The following GNAL variants were observed in gnomAD, a reference collection of about 807,000 sequenced individuals.
The protein encoded by GNAL is guanine nucleotide-binding protein G(olf) subunit alpha.
GNAL carries 18 observed loss-of-function variants against 55.1 expected under a neutral mutation model. The ratio of observed to expected loss-of-function variants is 0.33; its 90% CI spans 0.23 to 0.48. The LOEUF (loss-of-function observed/expected upper bound fraction) is 0.48. GNAL is among the 20% of genes least tolerant of loss of function. The pLI is 0.99. For synonymous variants in GNAL, 253 were observed against 237.0 expected (o/e 1.07, Z -0.62); for missense variants, 412 against 614.1 (o/e 0.67, Z 3.48).
At position 11,768,280 on chromosome 18, in the gene GNAL, C is replaced by G. The variant is rs139567619; in HGVS notation, c.624+14335C>G. ...ACCTCTGGCCTCAAAAGCCTTACCACTTAGTGAAGGAAAGGATGTCTGTAA... is the reference window on the plus strand; with the variant it reads ...ACCTCTGGCCTCAAAAGCCTTACCAGTTAGTGAAGGAAAGGATGTCTGTAA... On this transcript the variant is annotated intron_variant, in intron 4 of 11. Transcript: ENST00000334049. 1.7e-3 allele frequency among the ~76,000 whole-genome samples: 257 copies of G among 152,284 alleles called. 8 individuals are homozygous for G. The East Asian group carries it at 0.04, about 24-fold the overall frequency.
At chr18:11,694,531 G>A (rs1279001739) in intron 1 of GNAL, among the ~76,000 whole-genome samples, 4 of 152,214 alleles carry the variant, frequency 2.6e-5, no homozygotes, top group Non-Finnish European at 1.5e-5. Flanking sequence ...CAGGTGCAGA[G>A]GTGGGATGGA....
chr18:11,737,442 C>G (rs1262926526), intron 1 of GNAL, among the ~76,000 whole-genome samples: 1 of 152,178 alleles, frequency 6.6e-6, no homozygotes, highest in Non-Finnish European at 1.5e-5. Flanking sequence ...TCTTCCAAGT[C>G]TCTCTGAATG....
rs146867949 is a variant in GNAL, at chr18:11,697,275, C to T, written c.376+7336C>T. ...TGAGGAGGCCGGGCACGGTGGTGCA[C>T]GCCTGTAATCCCAGCGCTTTGGGAG... On this transcript the variant is annotated intron_variant, in intron 1 of 11. Coordinates refer to ENST00000334049, the MANE Select transcript of GNAL (RefSeq NM_182978.4). 4.0e-3 allele frequency among the ~76,000 whole-genome samples: 606 copies of T among 152,066 alleles called. 3 individuals are homozygous for T. Among genetic ancestry groups the T allele is most frequent in the African/African-American group, 0.013 (544 of 41,494 alleles).
At chr18:11,711,036 C>T (rs992529098) in intron 1 of GNAL, among the ~76,000 whole-genome samples, 11 of 152,008 alleles carry the variant, frequency 7.2e-5, no homozygotes, top group East Asian at 1.9e-4. Flanking sequence ...CCACCGCGCC[C>T]GGCTAATTTT....
chr18:11,744,166 C>G (rs2032638651), intron 1 of GNAL, among the ~76,000 whole-genome samples: 1 of 152,146 alleles, frequency 6.6e-6, no homozygotes, highest in South Asian at 2.1e-4. Flanking sequence ...GACATGTAAC[C>G]TACTTTTCCT....
At chr18:11,795,965 T>C (rs1400845941) in intron 4 of GNAL, among the ~76,000 whole-genome samples, 1 of 152,140 alleles carries the variant, frequency 6.6e-6, no homozygotes, top group African/African-American at 2.4e-5. Flanking sequence ...TAGACAGTAA[T>C]AGCTGATCCC....
At chr18:11,817,911 G>A (rs1313820686) in intron 4 of GNAL, among the ~76,000 whole-genome samples, 6 of 151,368 alleles carry the variant, frequency 4.0e-5, no homozygotes, top group South Asian at 4.2e-4. Context: ...TTTTTTTAAC[G>A]TGGTTTCTGA....
chr18:11,696,605 A>G (rs1943292775), intron 1 of GNAL, among the ~76,000 whole-genome samples: 1 of 152,170 alleles, frequency 6.6e-6, no homozygotes, highest in African/African-American at 2.4e-5. Context: ...AACTTGTTAT[A>G]GACCGTTACA....
chr18:11,732,008 T>A (rs987335167), intron 1 of GNAL, among the ~76,000 whole-genome samples: 1 of 152,136 alleles, frequency 6.6e-6, no homozygotes, highest in African/African-American at 2.4e-5. Context: ...GTAACATACA[T>A]CTCTACTTCA....
At chr18:11,692,064 A>C (rs1379710303) in intron 1 of GNAL, among the ~76,000 whole-genome samples, 1 of 152,180 alleles carries the variant, frequency 6.6e-6, no homozygotes, top group East Asian at 1.9e-4. Context: ...TTTAAATTTT[A>C]AGACAAAATA....
intron 1 of GNAL, among the ~76,000 whole-genome samples, chr18:11,700,196 T>C (rs2031525990): frequency 6.6e-6 from 1 of 152,210 alleles, no homozygotes; most frequent in Admixed American, 6.5e-5. Context: ...CTGATGGCCC[T>C]ACTCTTAAAA....
At chr18:11,774,180 T>C (rs2033714633) in intron 4 of GNAL, among the ~76,000 whole-genome samples, 1 of 152,176 alleles carries the variant, frequency 6.6e-6, no homozygotes, top group African/African-American at 2.4e-5. Context: ...TGCCGAGTGC[T>C]GAAGCCACGC....
chr18:11,712,390 G>T (rs2031859732), intron 1 of GNAL, among the ~76,000 whole-genome samples: 2 of 152,084 alleles, frequency 1.3e-5, no homozygotes, highest in Admixed American at 6.6e-5. Flanking sequence ...CAACTGCTTT[G>T]GCTTTTTACT....
At chr18:11,757,943 A>C (rs980237013) in intron 4 of GNAL, among the ~76,000 whole-genome samples, 3 of 152,084 alleles carry the variant, frequency 2.0e-5, no homozygotes, top group Non-Finnish European at 4.4e-5. Flanking sequence ...GAGTGGGTGC[A>C]GGTGGCGGCG....
chr18:11,723,008 T>A (rs2032131620), intron 1 of GNAL, among the ~76,000 whole-genome samples: 3 of 55,960 alleles, frequency 5.4e-5, no homozygotes, highest in Admixed American at 2.9e-4. Flanking sequence ...CGAAACTTCA[T>A]CTCAAAAAAA....
chr18:11,734,838 C>G (rs2032425608), intron 1 of GNAL, among the ~76,000 whole-genome samples: 1 of 149,878 alleles, frequency 6.7e-6, no homozygotes, highest in African/African-American at 2.5e-5. Flanking sequence ...AGCAACCAGG[C>G]AGGAAGCTAA....
chr18:11,885,621 G>C lies in GNAL; in HGVS notation c.*4486G>C, dbSNP rs1276402413. The stretch of plus-strand genomic sequence containing the variant: ...TGCAGCAATTAAATAGTTGATTACT[G>C]TGTTGATTTAAATACTTATGAAAGC... On this transcript the variant is annotated 3_prime_UTR_variant, in exon 12 of 12. Coordinates refer to ENST00000334049, the MANE Select transcript of GNAL (RefSeq NM_182978.4). 1 of 1,574,102 alleles carries C rather than the reference G, an allele frequency of 6.4e-7. No homozygotes were observed. Among genetic ancestry groups the C allele is most frequent in the Non-Finnish European group, 8.7e-7 (1 of 1,152,148 alleles).
At chr18:11,738,632 G>A (rs1229030490) in intron 1 of GNAL, among the ~76,000 whole-genome samples, 2 of 152,066 alleles carry the variant, frequency 1.3e-5, no homozygotes. Context: ...TATTTTCACT[G>A]GAAATAGGGT....
chr18:11,808,757 C>T (rs891401909), intron 4 of GNAL, among the ~76,000 whole-genome samples: 5 of 152,210 alleles, frequency 3.3e-5, no homozygotes, highest in African/African-American at 1.2e-4. Flanking sequence ...CCTAAATGTT[C>T]ATCAAATGAC....
Sources: gnomAD v4.1 joint callset for allele counts (sites outside exome capture counted in the v4.1 genomes callset) on GRCh38, gnomAD v4.1.1 for gene constraint, MANE v1.5 for transcripts, NCBI Gene and HGNC (gene_info 2026-07-23, HGNC 2026-07-21) for gene names.